Variants in FAM227B observed in about 807,000 individuals in gnomAD.
FAM227B encodes the protein protein FAM227B.
A neutral mutation model predicts 73.8 loss-of-function variants in FAM227B; 88 were observed. The ratio of observed to expected loss-of-function variants is 1.19; its 90% CI spans 1.00 to 1.42. The LOEUF is 1.42. FAM227B is among the 40% of genes most tolerant of loss of function. The pLI is 0.00. For missense variants in FAM227B, 632 were observed against 590.9 expected (o/e 1.07, Z -0.72); for synonymous variants, 210 against 190.5 (o/e 1.10, Z -0.84).
At chr15:49,506,388 C>T (rs1303638724) in intron 11 of FAM227B, among the ~76,000 whole-genome samples, 1 of 151,978 alleles carries the variant, frequency 6.6e-6, no homozygotes, top group Non-Finnish European at 1.5e-5. Context: ...ACATGCTACA[C>T]ACCAGATTTA....
intron 11 of FAM227B, among the ~76,000 whole-genome samples, chr15:49,388,534 A>G (rs1233684006): frequency 1.3e-5 from 2 of 152,028 alleles, no homozygotes; most frequent in African/African-American, 4.8e-5. Flanking sequence ...TACAAATTCT[A>G]GAAGACAACG....
At chr15:49,333,938 CTGT>C (rs750474436) in intron 14 of FAM227B, among the ~76,000 whole-genome samples, 2 of 151,720 alleles carry the variant, frequency 1.3e-5, no homozygotes, top group Non-Finnish European at 2.9e-5. Context: ...CCAGCTAAAT[CTGT>C]TGTTTTTCTA....
chr15:49,367,881 A>AAC (rs1555457437), intron 12 of FAM227B: 21 of 191,452 alleles, frequency 1.1e-4, no homozygotes, highest in South Asian at 1.8e-4. Flanking sequence ...AAAAAAAAAA[A>AAC]AATGAAGAAA....
intron 11 of FAM227B, among the ~76,000 whole-genome samples, chr15:49,417,527 A>G (rs1291804879): frequency 2.0e-5 from 3 of 152,138 alleles, no homozygotes. Context: ...CACACCCACA[A>G]CTATCTGATC....
At chr15:49,467,252 A>G (rs1355450965) in intron 11 of FAM227B, among the ~76,000 whole-genome samples, 1 of 152,170 alleles carries the variant, frequency 6.6e-6, no homozygotes, top group African/African-American at 2.4e-5. Flanking sequence ...GGTAGCTATG[A>G]ACAAAACGTT....
chr15:49,509,158 G>A (rs2152116667), intron 10 of FAM227B, among the ~76,000 whole-genome samples: 2 of 152,284 alleles, frequency 1.3e-5, no homozygotes, highest in Middle Eastern at 6.8e-3. Flanking sequence ...GATGATTTGG[G>A]CAGGTGGATA....
intron 10 of FAM227B, among the ~76,000 whole-genome samples, chr15:49,525,707 T>TG (rs1567487397): frequency 6.1e-5 from 5 of 82,480 alleles, no homozygotes; most frequent in African/African-American, 1.9e-4. Flanking sequence ...TATATATATA[T>TG]ATATATATAT....
At chr15:49,550,032 C>T (rs1198893202) in intron 9 of FAM227B, among the ~76,000 whole-genome samples, 7 of 134,522 alleles carry the variant, frequency 5.2e-5, no homozygotes, top group South Asian at 4.8e-4. Flanking sequence ...ACCTCCCTCC[C>T]GGACGGGGCG....
At chr15:49,579,857 A>G (rs2075701986) in intron 5 of FAM227B, among the ~76,000 whole-genome samples, 1 of 152,224 alleles carries the variant, frequency 6.6e-6, no homozygotes, top group Non-Finnish European at 1.5e-5. Flanking sequence ...TGATCATTAC[A>G]CATTGCATGC....
intron 11 of FAM227B, among the ~76,000 whole-genome samples, chr15:49,393,009 T>C (rs550755224): frequency 6.6e-6 from 1 of 152,254 alleles, no homozygotes; most frequent in Admixed American, 6.5e-5. Flanking sequence ...CCTACCACTA[T>C]GAAAATCATG....
chr15:49,428,908 T>C (rs1174409703), intron 11 of FAM227B, among the ~76,000 whole-genome samples: 2 of 152,008 alleles, frequency 1.3e-5, no homozygotes, highest in African/African-American at 4.8e-5. Flanking sequence ...GGCCTAACAA[T>C]TGGCAAAAGG....
chr15:49,371,101 T>C (rs771786867), intron 12 of FAM227B, among the ~76,000 whole-genome samples: 1 of 152,140 alleles, frequency 6.6e-6, no homozygotes, highest in Non-Finnish European at 1.5e-5. Flanking sequence ...TCATTAGAAA[T>C]GGGGATATTT....
At chr15:49,583,638 A>G (rs2075960674) in intron 5 of FAM227B, among the ~76,000 whole-genome samples, 1 of 145,038 alleles carries the variant, frequency 6.9e-6, no homozygotes, top group Non-Finnish European at 1.5e-5. Context: ...TTCTTAATAA[A>G]CTTGCTTTCA....
chr15:49,411,861 A>G (rs981062050), intron 11 of FAM227B, among the ~76,000 whole-genome samples: 1 of 152,118 alleles, frequency 6.6e-6, no homozygotes, highest in African/African-American at 2.4e-5. Flanking sequence ...CACAAATAAT[A>G]GGATATATCA....
At chr15:49,514,511 G>T (rs952066892) in intron 10 of FAM227B, among the ~76,000 whole-genome samples, 3 of 152,028 alleles carry the variant, frequency 2.0e-5, no homozygotes, top group Non-Finnish European at 4.4e-5. Context: ...AGACTATGTG[G>T]TTTTCTAAAT....
chr15:49,580,820 C>G (rs1204737261), intron 5 of FAM227B, among the ~76,000 whole-genome samples: 1 of 152,088 alleles, frequency 6.6e-6, no homozygotes, highest in Admixed American at 6.6e-5. Context: ...GAAAAACACG[C>G]TAAAAGTATT....
intron 9 of FAM227B, among the ~76,000 whole-genome samples, chr15:49,565,491 T>C (rs1228721658): frequency 2.0e-5 from 3 of 151,912 alleles, no homozygotes; most frequent in Non-Finnish European, 4.4e-5. Context: ...TGACTCAACA[T>C]AGAAAAACAC....
chr15:49,461,053 C>A lies in FAM227B; in HGVS notation c.1012+47158G>T, dbSNP rs191723747. On this transcript the variant is annotated intron_variant, in intron 11 of 15. Coordinates refer to ENST00000299338, the MANE Select transcript of FAM227B (RefSeq NM_152647.3). ...CCTGAAAATACTACCCTTCATCCCA[C>A]CTCTGCCATTTTTCTTAGTCTATTT... Among the ~76,000 whole-genome samples, 270 of 152,234 alleles carry A rather than the reference C, an allele frequency of 1.8e-3. 2 individuals carry two copies. The highest frequency in any genetic ancestry group is 6.1e-3 in the African/African-American group (252 of 41,550).
At chr15:49,546,700 T>A (rs1416108187) in intron 9 of FAM227B, among the ~76,000 whole-genome samples, 2 of 152,138 alleles carry the variant, frequency 1.3e-5, no homozygotes, top group African/African-American at 4.8e-5. Context: ...TGCATTTCTC[T>A]GATGGCCAGT....
Sources: allele counts gnomAD v4.1 joint callset (sites outside exome capture counted in the v4.1 genomes callset), GRCh38; gene constraint gnomAD v4.1.1; transcripts MANE v1.5; gene names NCBI Gene and HGNC (gene_info 2026-07-23, HGNC 2026-07-21).